The following EFHD1 variants were observed in gnomAD, a reference collection of about 807,000 sequenced individuals.
EFHD1 encodes the protein EF-hand domain-containing protein D1.
A neutral mutation model predicts 17.2 loss-of-function variants in EFHD1; 10 were observed. The observed-to-expected ratio is 0.58, with a 90% CI of 0.36 to 0.99. EFHD1 has a LOEUF of 0.99. EFHD1 is among the 50% of genes least tolerant of loss of function. The pLI is 0.01. For missense variants in EFHD1, 310 were observed against 327.5 expected (o/e 0.95, Z 0.41); for synonymous variants, 153 against 142.0 (o/e 1.08, Z -0.55).
At chr2:232,611,994 C>CT (rs1693822894) in intron 1 of EFHD1, 1 of 152,184 alleles carries the variant, frequency 6.6e-6, no homozygotes, top group Admixed American at 6.6e-5. Flanking sequence ...ATGTGGAAAC[C>CT]TTAACAGCAG....
At chr2:232,679,551 C>CA in intron 3 of EFHD1, among the ~76,000 whole-genome samples, 2 of 151,180 alleles carry the variant, frequency 1.3e-5, no homozygotes, top group African/African-American at 4.8e-5. Flanking sequence ...CCCATCTCTA[C>CA]AAAAAATTGA....
chr2:232,631,707 C>CA (rs761585159), upstream of EFHD1, among the ~76,000 whole-genome samples: 662 of 121,502 alleles, frequency 5.4e-3, 32 homozygotes, highest in East Asian at 0.077. Context: ...AAAAAAAAAA[C>CA]AAAAACAAAA....
chr2:232,662,393 C>G (rs1676611172), intron 1 of EFHD1, among the ~76,000 whole-genome samples: 1 of 152,126 alleles, frequency 6.6e-6, no homozygotes, highest in African/African-American at 2.4e-5. Context: ...GGAGGAGGCT[C>G]CTGGAATTGC....
At chr2:232,667,711 C>A (rs1250686606) in intron 2 of EFHD1, among the ~76,000 whole-genome samples, 2 of 152,046 alleles carry the variant, frequency 1.3e-5, no homozygotes, top group Admixed American at 1.3e-4. Context: ...CGGCACCACA[C>A]CCGGCTAATT....
chr2:232,606,635 C>G (rs923171696), intron 1 of EFHD1: 5 of 178,278 alleles, frequency 2.8e-5, no homozygotes, highest in Non-Finnish European at 4.9e-5. Flanking sequence ...GCCTGTAATC[C>G]CAGCACTTTG....
At chr2:232,618,404 C>T (rs1314083504) in intron 1 of EFHD1, among the ~76,000 whole-genome samples, 1 of 152,134 alleles carries the variant, frequency 6.6e-6, no homozygotes, top group East Asian at 1.9e-4. Context: ...CACAGGAACA[C>T]GTGCTCAACG....
At chr2:232,608,844 C>T (rs1393014450) in intron 1 of EFHD1, among the ~76,000 whole-genome samples, 1 of 151,926 alleles carries the variant, frequency 6.6e-6, no homozygotes, top group Non-Finnish European at 1.5e-5. Flanking sequence ...GCAAGAGAAT[C>T]GCTTGAACCC....
At chr2:232,650,247 C>T (rs1478413060) in intron 1 of EFHD1, 3 of 150,426 alleles carry the variant, frequency 2.0e-5, no homozygotes, top group Admixed American at 6.6e-5. Flanking sequence ...AACAGGGGTG[C>T]AGGGTCTTTT....
At chr2:232,633,559 TCCG>T, upstream of EFHD1, 1 of 1,285,692 alleles carries the variant, frequency 7.8e-7, no homozygotes, top group Non-Finnish European at 9.8e-7. Flanking sequence ...CGCCCGCCAG[TCCG>T]TCCTCAGACC....
intron 3 of EFHD1, among the ~76,000 whole-genome samples, chr2:232,679,202 T>G (rs1442758423): frequency 6.6e-6 from 1 of 152,126 alleles, no homozygotes; most frequent in Non-Finnish European, 1.5e-5. Context: ...AAGACCTCCT[T>G]AAACATGACA....
rs36180788 is a variant in EFHD1 at position 232,677,274 on chromosome 2, TACACAC to T, written c.586-4296_586-4291del. On this transcript the variant is annotated intron_variant, in intron 3 of 3. Coordinates refer to ENST00000264059, the MANE Select transcript of EFHD1 (RefSeq NM_025202.4). ...CACACATCTTTCTATAACACACACA[TACACAC>T]ACACACACACACACGTACACACACA... 3.9e-3 allele frequency among the ~76,000 whole-genome samples: 558 copies of T among 141,352 alleles called. 12 individuals are homozygous for T. Among genetic ancestry groups the T allele is most frequent in the Admixed American group, 3.3e-3 (49 of 14,682 alleles). 92.7% of individuals were successfully genotyped at this position (141,352 alleles called of 152,430 possible).
At chr2:232,664,748 G>A (rs1161726019) in intron 2 of EFHD1, among the ~76,000 whole-genome samples, 2 of 151,444 alleles carry the variant, frequency 1.3e-5, no homozygotes, top group Non-Finnish European at 2.9e-5. Flanking sequence ...CGAGTAGCTG[G>A]GACTACAGGC....
intron 1 of EFHD1, among the ~76,000 whole-genome samples, chr2:232,658,774 T>C (rs73995854): frequency 0.073 from 11,095 of 152,200 alleles, 511 homozygotes; most frequent in African/African-American, 0.11. Context: ...GAATGACTGC[T>C]AATGGGTATC....
intron 1 of EFHD1, among the ~76,000 whole-genome samples, chr2:232,645,473 CA>C (rs1354225945): frequency 6.6e-6 from 1 of 152,124 alleles, no homozygotes; most frequent in African/African-American, 2.4e-5. Context: ...CAGCCCTGAT[CA>C]AAAAAATCTG....
At chr2:232,617,384 C>A (rs1321476454) in intron 1 of EFHD1, among the ~76,000 whole-genome samples, 1 of 152,142 alleles carries the variant, frequency 6.6e-6, no homozygotes, top group Non-Finnish European at 1.5e-5. Flanking sequence ...GGCGCAGTGG[C>A]TCACGCTTTA....
At chr2:232,656,877 C>G (rs1458546336) in intron 1 of EFHD1, among the ~76,000 whole-genome samples, 2 of 152,198 alleles carry the variant, frequency 1.3e-5, no homozygotes, top group Non-Finnish European at 2.9e-5. Flanking sequence ...CTCTTGTGCT[C>G]AAGTGATCCT....
intron 1 of EFHD1, chr2:232,606,599 G>A: frequency 4.7e-6 from 1 of 210,682 alleles, no homozygotes; most frequent in Non-Finnish European, 9.9e-6. Flanking sequence ...CTTTAAAGTT[G>A]GGGTGCGACC....
At chr2:232,606,577 A>T (rs1333957623) in intron 1 of EFHD1, 1 of 261,506 alleles carries the variant, frequency 3.8e-6, no homozygotes, top group African/African-American at 2.2e-5. Flanking sequence ...CCTCACCTGC[A>T]CCGACCCTCA....
chr2:232,650,939 A>G (rs1292517799), intron 1 of EFHD1, among the ~76,000 whole-genome samples: 1 of 152,188 alleles, frequency 6.6e-6, no homozygotes, highest in Non-Finnish European at 1.5e-5. Flanking sequence ...GGAAAAAAAG[A>G]GCTAAGATGT....
Sources: gnomAD v4.1 joint callset for allele counts (sites outside exome capture counted in the v4.1 genomes callset) on GRCh38, gnomAD v4.1.1 for gene constraint, MANE v1.5 for transcripts, NCBI Gene and HGNC (gene_info 2026-07-23, HGNC 2026-07-21) for gene names.